Variants in MBNL2 observed in about 807,000 individuals in gnomAD.
MBNL2 encodes the protein muscleblind-like protein 2.
Under a neutral mutation model 41.9 loss-of-function variants are expected in MBNL2, and 17 were observed. The observed-to-expected ratio is 0.41, with a 90% CI of 0.28 to 0.61. The LOEUF is 0.61. MBNL2 is among the 20% of genes least tolerant of loss of function. The pLI is 0.35. For missense variants in MBNL2, 336 were observed against 505.6 expected (o/e 0.66, Z 3.22); for synonymous variants, 195 against 182.9 (o/e 1.07, Z -0.53).
chr13:97,177,018 T>C, the MBNL2 span, among the ~76,000 whole-genome samples: 5 of 152,146 alleles, frequency 3.3e-5, no homozygotes, highest in Admixed American at 3.3e-4. Flanking sequence ...GTACAAAAAA[T>C]GTATAGTTAT....
At chr13:97,296,314 T>C (rs911539742) in intron 2 of MBNL2, among the ~76,000 whole-genome samples, 1 of 152,222 alleles carries the variant, frequency 6.6e-6, no homozygotes, top group Non-Finnish European at 1.5e-5. Flanking sequence ...TTAATGAAAA[T>C]GATGGCATAT....
At chr13:97,204,330 G>A in the MBNL2 span, among the ~76,000 whole-genome samples, 2 of 152,134 alleles carry the variant, frequency 1.3e-5, no homozygotes, top group African/African-American at 4.8e-5. Flanking sequence ...TTGAAGGTTG[G>A]GACTTGAATT....
intron 2 of MBNL2, among the ~76,000 whole-genome samples, chr13:97,313,505 G>C (rs535747935): frequency 3.9e-5 from 6 of 151,934 alleles, no homozygotes; most frequent in African/African-American, 7.3e-5. Context: ...ACTTGACATT[G>C]TGAGATTAAA....
the MBNL2 span, among the ~76,000 whole-genome samples, chr13:97,202,476 A>T: frequency 1.5e-3 from 232 of 152,294 alleles, no homozygotes; most frequent in African/African-American, 5.4e-3. Context: ...ATGAAATAAT[A>T]CACGTAAGTC....
rs143038044 is a variant in MBNL2, at chr13:97,390,735, T to C, written c.1049-587T>C. Among the ~76,000 whole-genome samples the C allele has an allele frequency of 1.1e-4, 17 of 152,292 alleles. No individual in the cohort carries two copies. In the East Asian group the frequency reaches 3.3e-3, roughly 29 times the overall value. ...TTTTAACTGCCTTAATAGACTGTTA[T>C]CCCTTTTACTCTTTGATATGTGACA... On this transcript the variant is annotated intron_variant, in intron 8 of 8. Transcript: ENST00000679496.
the MBNL2 span, among the ~76,000 whole-genome samples, chr13:97,213,324 C>A: frequency 2.0e-5 from 3 of 152,076 alleles, no homozygotes; most frequent in Admixed American, 6.5e-5. Context: ...AAAAAAAAAC[C>A]ATTTTACCTG....
intron 8 of MBNL2, among the ~76,000 whole-genome samples, chr13:97,389,254 A>G (rs1478891231): frequency 6.6e-6 from 1 of 152,218 alleles, no homozygotes; most frequent in Non-Finnish European, 1.5e-5. Context: ...GGTAACTTCC[A>G]TAACCCACGT....
intron 3 of MBNL2, among the ~76,000 whole-genome samples, chr13:97,339,894 C>G (rs1289930113): frequency 3.5e-5 from 5 of 142,510 alleles, no homozygotes; most frequent in Non-Finnish European, 6.0e-5. Flanking sequence ...GTTGTTTTTC[C>G]TCTTTTGTTT....
At chr13:97,352,256 G>GC (rs1175982018) in intron 5 of MBNL2, among the ~76,000 whole-genome samples, 1 of 152,056 alleles carries the variant, frequency 6.6e-6, no homozygotes, top group Non-Finnish European at 1.5e-5. Context: ...GATAACCTTG[G>GC]CACAGGAAGC....
At chr13:97,299,648 ATATC>A (rs59785563) in intron 2 of MBNL2, among the ~76,000 whole-genome samples, 20,080 of 149,302 alleles carry the variant, frequency 0.13, 1,972 homozygotes, top group African/African-American at 0.28. Flanking sequence ...TAGAATTACT[ATATC>A]TATCTATCTA....
chr13:97,209,556 G>T, the MBNL2 span, among the ~76,000 whole-genome samples: 2 of 152,130 alleles, frequency 1.3e-5, no homozygotes, highest in Non-Finnish European at 2.9e-5. Flanking sequence ...CAATATTGAA[G>T]ACATAAAGAT....
At chr13:97,217,490 A>G (rs2040479398), upstream of MBNL2, among the ~76,000 whole-genome samples, 1 of 152,184 alleles carries the variant, frequency 6.6e-6, no homozygotes, top group Non-Finnish European at 1.5e-5. Flanking sequence ...GGCTTCCTGG[A>G]GGAGGTGATG....
intron 2 of MBNL2, among the ~76,000 whole-genome samples, chr13:97,278,298 G>A (rs1316414774): frequency 4.1e-5 from 5 of 121,788 alleles, no homozygotes; most frequent in South Asian, 2.8e-4. Context: ...TTTAAAACTA[G>A]ATCATAAAAG....
At chr13:97,327,081 C>A (rs2059962068) in intron 2 of MBNL2, among the ~76,000 whole-genome samples, 1 of 152,216 alleles carries the variant, frequency 6.6e-6, no homozygotes, top group African/African-American at 2.4e-5. Flanking sequence ...ATCTGATACA[C>A]CCAGTCAGCT....
At chr13:97,242,779 T>G (rs555438270) in intron 1 of MBNL2, among the ~76,000 whole-genome samples, 1 of 150,536 alleles carries the variant, frequency 6.6e-6, no homozygotes, top group Non-Finnish European at 1.5e-5. Context: ...TTTTTTTTTT[T>G]CCCCCCTCCT....
rs557671316 is a variant in MBNL2, at chr13:97,320,685, G to A, written c.175-13591G>A. ...TCCCAGCACTTTGGGAGGCCGAGGT[G>A]GGTGGATCACCTGAGATTAAGAGTT... On this transcript the variant is annotated intron_variant, in intron 2 of 8. Transcript: ENST00000679496. Among the ~76,000 whole-genome samples, 23 of 152,126 alleles carry A rather than the reference G, an allele frequency of 1.5e-4. 1 individual carries two copies. Among genetic ancestry groups the A allele is most frequent in the African/African-American group, 4.8e-4 (20 of 41,540 alleles).
chr13:97,157,316 G>C, the MBNL2 span, among the ~76,000 whole-genome samples: 4 of 147,568 alleles, frequency 2.7e-5, no homozygotes, highest in African/African-American at 1.0e-4. Context: ...GGGTTTTCTA[G>C]ATATACAATC....
intron 1 of MBNL2, among the ~76,000 whole-genome samples, chr13:97,274,114 C>T (rs975949701): frequency 6.6e-6 from 1 of 152,136 alleles, no homozygotes; most frequent in African/African-American, 2.4e-5. Flanking sequence ...CAAGGAAGCT[C>T]GTCTGGCTTG....
At chr13:97,372,109 A>T (rs74106947) in intron 8 of MBNL2, among the ~76,000 whole-genome samples, 1 of 152,344 alleles carries the variant, frequency 6.6e-6, no homozygotes, top group African/African-American at 2.4e-5. Context: ...CAGATTATCC[A>T]TCTAATTCAT....
Sources: gnomAD v4.1 joint callset for allele counts (sites outside exome capture counted in the v4.1 genomes callset) on GRCh38, gnomAD v4.1.1 for gene constraint, MANE v1.5 for transcripts, NCBI Gene and HGNC (gene_info 2026-07-23, HGNC 2026-07-21) for gene names.